The following LTBP1 variants were observed in gnomAD, a reference collection of about 807,000 sequenced individuals.
The protein encoded by LTBP1 is latent-transforming growth factor beta-binding protein 1.
A neutral mutation model predicts 207.6 loss-of-function variants in LTBP1; 129 were observed. The ratio of observed to expected loss-of-function variants is 0.62; its 90% CI spans 0.54 to 0.72. The LOEUF (loss-of-function observed/expected upper bound fraction) is 0.72, where lower values mean the gene tolerates loss of function less well. Among genes scored for constraint, LTBP1 ranks in the 30% least tolerant of loss-of-function variants. The probability of loss-of-function intolerance (pLI) is 0.00; values close to 1 mark genes in which losing one functional copy is unlikely to be tolerated. For missense variants in LTBP1, 2,281 were observed against 2,217.2 expected (o/e 1.03, Z -0.58); for synonymous variants, 963 against 833.7 (o/e 1.16, Z -2.67).
At chr2:33,259,087 C>T (rs972165323) in intron 12 of LTBP1, among the ~76,000 whole-genome samples, 2 of 152,114 alleles carry the variant, frequency 1.3e-5, no homozygotes, top group African/African-American at 4.8e-5. Flanking sequence ...ATTCACGGGG[C>T]TTCATTAAAG....
chr2:33,248,835 C>T (rs1338217922), intron 10 of LTBP1, among the ~76,000 whole-genome samples: 1 of 152,172 alleles, frequency 6.6e-6, no homozygotes, highest in Non-Finnish European at 1.5e-5. Context: ...GATCCGCCCA[C>T]CTCTGCCTCC....
At chr2:33,216,711 C>T (rs1051474200) in intron 7 of LTBP1, among the ~76,000 whole-genome samples, 2 of 152,196 alleles carry the variant, frequency 1.3e-5, no homozygotes, top group African/African-American at 2.4e-5. Flanking sequence ...GGAGAGTCAG[C>T]TGGTCCTCCC....
intron 24 of LTBP1, among the ~76,000 whole-genome samples, chr2:33,324,433 A>G (rs1380762815): frequency 6.6e-6 from 1 of 152,022 alleles, no homozygotes; most frequent in African/African-American, 2.4e-5. Context: ...CAGTATATAT[A>G]TATGGTTCAG....
intron 5 of LTBP1, among the ~76,000 whole-genome samples, chr2:33,180,863 C>T (rs1391799739): frequency 6.6e-6 from 1 of 152,118 alleles, no homozygotes; most frequent in Non-Finnish European, 1.5e-5. Context: ...AATGTGGTAA[C>T]TTAACTTTCT....
intron 19 of LTBP1, among the ~76,000 whole-genome samples, chr2:33,289,088 A>T (rs2093724662): frequency 6.6e-6 from 1 of 152,216 alleles, no homozygotes; most frequent in African/African-American, 2.4e-5. Flanking sequence ...GTAGACCAGG[A>T]AATTCTGTGG....
intron 3 of LTBP1, among the ~76,000 whole-genome samples, chr2:33,070,212 A>C (rs2077721523): frequency 1.3e-5 from 2 of 152,182 alleles, no homozygotes; most frequent in African/African-American, 4.8e-5. Context: ...CAAACTCAGA[A>C]ATATCTATTT....
intron 10 of LTBP1, among the ~76,000 whole-genome samples, chr2:33,244,091 CT>C (rs2092428530): frequency 6.6e-6 from 1 of 152,120 alleles, no homozygotes; most frequent in African/African-American, 2.4e-5. Context: ...ACATATCAAA[CT>C]TTTTTGGTAC....
At chr2:33,036,871 A>G (rs578254204) in intron 3 of LTBP1, among the ~76,000 whole-genome samples, 68 of 152,312 alleles carry the variant, frequency 4.5e-4, no homozygotes, top group African/African-American at 1.5e-3. Context: ...GTGTTGTTTC[A>G]TGAAACTTTT....
chr2:33,052,669 A>G (rs1054010048), intron 3 of LTBP1, among the ~76,000 whole-genome samples: 1 of 152,220 alleles, frequency 6.6e-6, no homozygotes, highest in African/African-American at 2.4e-5. Context: ...AGGAGAATGT[A>G]TCTTCATATA....
chr2:33,194,870 GCTGGTGACT>G (rs1270216164), intron 7 of LTBP1, among the ~76,000 whole-genome samples: 1 of 152,236 alleles, frequency 6.6e-6, no homozygotes, highest in South Asian at 2.1e-4. Context: ...GGCTAATGCA[GCTGGTGACT>G]TTTAGTTGCA....
Position 32,947,451 on chromosome 2 carries a change from T to G in LTBP1, c.127T>G (p.Leu43Val). ...HPGPGLAAGALPLSGPPRSRT... is the reference protein window; with the variant it reads ...HPGPGLAAGAVPLSGPPRSRT... ...GGGCCCCGGCCTGGCAGCCGGCGCC[T>G]TGCCCCTGAGCGGGCCCCCGCGTTC... Residue 43 changes from leucine (L) to valine (V), a missense_variant, in exon 1 of 34, where the codon TTG becomes GTG. Leu to Val is a conservative substitution (Grantham distance 32, BLOSUM62 1). Coordinates refer to ENST00000404816, the MANE Select transcript of LTBP1 (RefSeq NM_206943.4). 1 of 1,444,022 alleles carries G rather than the reference T, an allele frequency of 6.9e-7. No individual in the cohort carries two copies. Among genetic ancestry groups the G allele is most frequent in the Non-Finnish European group, 9.1e-7 (1 of 1,101,046 alleles). The allele number at this position is 1,444,022 out of a possible 1,614,324, so 89.5% of individuals were successfully genotyped here.
At chr2:33,218,278 A>G (rs1314683917) in intron 8 of LTBP1, among the ~76,000 whole-genome samples, 1 of 152,230 alleles carries the variant, frequency 6.6e-6, no homozygotes, top group Non-Finnish European at 1.5e-5. Context: ...TTTATTGTTC[A>G]GAACATGTTG....
chr2:33,161,771 C>A (rs1438564085), intron 5 of LTBP1, among the ~76,000 whole-genome samples: 1 of 152,142 alleles, frequency 6.6e-6, no homozygotes, highest in African/African-American at 2.4e-5. Context: ...TTATTTTGGG[C>A]ATATTAAAGA....
chr2:33,335,399 C>A (rs958160631), intron 24 of LTBP1, among the ~76,000 whole-genome samples: 1 of 152,084 alleles, frequency 6.6e-6, no homozygotes, highest in African/African-American at 2.4e-5. Flanking sequence ...GGGATGTCGT[C>A]TGCTGTTTCT....
intron 9 of LTBP1, among the ~76,000 whole-genome samples, chr2:33,226,590 T>C (rs1392597976): frequency 6.6e-6 from 1 of 152,234 alleles, no homozygotes. Context: ...AATTGCTGGC[T>C]AGCTATATTT....
In LTBP1 at chr2:33,280,148, A is replaced by G. The variant is rs750247439; in HGVS notation, c.3102A>G (p.Gly1034=). The stretch of plus-strand genomic sequence containing the variant: ...CAGAAGGATTCCGAGGCTGGAATGG[A>G]CAGTGCCTTGGTAGGTACTATAGTG... ...PCTEGFRGWN[G]QCLDVDECLE... is the part of the protein sequence containing the mutation. Residue 1034 remains glycine, a synonymous_variant, in exon 19 of 34, where the codon GGA becomes GGG. Coordinates refer to ENST00000404816, the MANE Select transcript of LTBP1 (RefSeq NM_206943.4). The G allele has an allele frequency of 3.1e-6, 5 of 1,613,956 alleles. No individual in the cohort carries two copies. Among genetic ancestry groups the G allele is most frequent in the Admixed American group, 1.7e-5 (1 of 59,980 alleles).
chr2:33,228,421 A>C (rs1476480533), intron 9 of LTBP1, among the ~76,000 whole-genome samples: 2 of 152,156 alleles, frequency 1.3e-5, no homozygotes, highest in Non-Finnish European at 2.9e-5. Context: ...TGTGCAGCAT[A>C]TTGCTAATAA....
chr2:33,259,064 T>A (rs2092941154), intron 12 of LTBP1, among the ~76,000 whole-genome samples: 1 of 152,228 alleles, frequency 6.6e-6, no homozygotes, highest in African/African-American at 2.4e-5. Flanking sequence ...AGTTAGCATA[T>A]CTTTTTGAAA....
intron 2 of LTBP1, among the ~76,000 whole-genome samples, chr2:33,012,803 A>G (rs988668167): frequency 1.3e-5 from 2 of 152,256 alleles, no homozygotes; most frequent in Non-Finnish European, 1.5e-5. Flanking sequence ...TATGTGCATA[A>G]TAGTTTACAG....
Sources: gnomAD v4.1 joint callset for allele counts (sites outside exome capture counted in the v4.1 genomes callset) on GRCh38, gnomAD v4.1.1 for gene constraint, MANE v1.5 for transcripts, NCBI Gene and HGNC (gene_info 2026-07-23, HGNC 2026-07-21) for gene names.